Variants in YES1 observed in about 807,000 individuals in gnomAD.
YES1 encodes the protein YES proto-oncogene 1, Src family tyrosine kinase, also known as tyrosine-protein kinase Yes.
YES1 carries 39 observed loss-of-function variants against 70.4 expected under a neutral mutation model. The observed-to-expected ratio is 0.55, with a 90% CI of 0.43 to 0.72. The LOEUF (loss-of-function observed/expected upper bound fraction) is 0.72. Among genes scored for constraint, YES1 ranks in the 30% least tolerant of loss-of-function variants. The pLI is 0.00. For synonymous variants in YES1, 198 were observed against 218.6 expected, an observed-to-expected ratio of 0.91 and a Z score of 0.83; for missense variants, 495 against 644.8, an observed-to-expected ratio of 0.77 and a Z score of 2.52.
intron 1 of YES1, among the ~76,000 whole-genome samples, chr18:791,254 A>G (rs923525590): frequency 6.6e-6 from 1 of 151,246 alleles, no homozygotes; most frequent in Admixed American, 6.6e-5. Flanking sequence ...TGAAGAAGAA[A>G]AAAAAAAGAA....
intron 1 of YES1, among the ~76,000 whole-genome samples, chr18:759,328 G>A (rs746020174): frequency 1.3e-5 from 2 of 152,182 alleles, no homozygotes; most frequent in East Asian, 1.9e-4. Flanking sequence ...TTAGCTGGGC[G>A]AGGTGGCGGG....
chr18:771,018 A>C (rs1905130651), intron 1 of YES1, among the ~76,000 whole-genome samples: 1 of 152,112 alleles, frequency 6.6e-6, no homozygotes, highest in African/African-American at 2.4e-5. Flanking sequence ...AAAAAAAAAA[A>C]AATCTGAAAA....
intron 6 of YES1, among the ~76,000 whole-genome samples, chr18:743,855 A>C (rs558535): frequency 2.0e-5 from 3 of 151,654 alleles, no homozygotes; most frequent in Non-Finnish European, 1.5e-5. Flanking sequence ...GCAGTGAGCC[A>C]AAATTGCGCC....
At chr18:740,504 G>C (rs1331695771) in intron 8 of YES1, among the ~76,000 whole-genome samples, 1 of 152,202 alleles carries the variant, frequency 6.6e-6, no homozygotes, top group East Asian at 1.9e-4. Flanking sequence ...CCATAAACTG[G>C]ATCGGGGAAG....
chr18:724,430 A>AT lies in YES1; in HGVS notation c.1625dup (p.Asn542LysfsTer22). 1 of 1,613,364 alleles carries AT rather than the reference A, an allele frequency of 6.2e-7. No individual in the cohort carries two copies. On this transcript the variant is annotated frameshift_variant, in exon 12 of 12. Coordinates refer to ENST00000314574, the MANE Select transcript of YES1 (RefSeq NM_005433.4). LOFTEE classifies it high-confidence loss of function. ...ATAAAATAGGCTACTTGAATTATAA[A>AT]TTTTCTCCTGGCTGGTACTGTGGCT...
Position 775,519 on chromosome 18 carries a change from G to A in YES1, c.-8-18684C>T, listed in dbSNP as rs1905335023. ...GCTTCTCATAAATGGAATCACGGCCGGATGTAGTGGCTCACACCTGTAATA... is the reference window on the plus strand; with the variant it reads ...GCTTCTCATAAATGGAATCACGGCCAGATGTAGTGGCTCACACCTGTAATA... On this transcript the variant is annotated intron_variant, in intron 1 of 11. Transcript: ENST00000314574. Among the ~76,000 whole-genome samples, 4 of 152,224 alleles carry A rather than the reference G, an allele frequency of 2.6e-5. No homozygotes were observed. In the South Asian group the frequency reaches 6.2e-4, roughly 24 times the overall value.
chr18:795,912 A>AACACACACACACACACACACACACACAC (rs72204539), intron 1 of YES1, among the ~76,000 whole-genome samples: 13 of 144,696 alleles, frequency 9.0e-5, no homozygotes, highest in African/African-American at 3.1e-4. Flanking sequence ...CCAGAACTTA[A>AACACACACACACACACACACACACACAC]ACACACACAC....
chr18:752,259 C>T (rs1279615828), intron 2 of YES1, among the ~76,000 whole-genome samples: 2 of 152,134 alleles, frequency 1.3e-5, no homozygotes, highest in East Asian at 1.9e-4. Context: ...AGGCATGTGC[C>T]GCCACACCTA....
intron 11 of YES1, among the ~76,000 whole-genome samples, chr18:726,063 G>A: frequency 6.6e-6 from 1 of 152,060 alleles, no homozygotes. Flanking sequence ...TGACTGTTAG[G>A]ATTAAGCAAT....
intron 1 of YES1, among the ~76,000 whole-genome samples, chr18:760,231 G>C (rs916943412): frequency 6.6e-6 from 1 of 152,038 alleles, no homozygotes; most frequent in Non-Finnish European, 1.5e-5. Flanking sequence ...GCACTTTGCA[G>C]GGACAAGGCG....
intron 1 of YES1, among the ~76,000 whole-genome samples, chr18:805,453 T>C (rs1306371546): frequency 1.3e-5 from 2 of 152,234 alleles, no homozygotes; most frequent in South Asian, 2.1e-4. Flanking sequence ...CATGACTATA[T>C]TGTAACAACT....
chr18:784,650 C>A (rs1025186884), intron 1 of YES1, among the ~76,000 whole-genome samples: 2 of 152,200 alleles, frequency 1.3e-5, no homozygotes, highest in African/African-American at 4.8e-5. Context: ...GTGGGGGCTG[C>A]CCACATTCCT....
chr18:745,954 T>C lies in YES1; in HGVS notation c.568A>G (p.Thr190Ala), dbSNP rs771329396. Residue 190 changes from threonine to alanine, a missense_variant, in exon 5 of 12, where the codon ACT becomes GCT. By Grantham distance (58) the Thr-to-Ala change is moderately conservative. This residue lies in a region of YES1 where 385 missense variants were observed against 540.9 expected (regional missense o/e 0.71). Transcript: ENST00000314574. ...AATATAACAATATTCATACCTTTAG[T>C]TGTTTCACTCTCTCTTACTAAGAAA... is the stretch of plus-strand genomic sequence containing the variant. ...GIFLVRESET[T>A]KGAYSLSIRD... 1 of 1,611,524 alleles carries C rather than the reference T, an allele frequency of 6.2e-7. No homozygotes were observed. Among genetic ancestry groups the C allele is most frequent in the Non-Finnish European group, 8.5e-7 (1 of 1,178,526 alleles).
intron 1 of YES1, among the ~76,000 whole-genome samples, chr18:787,721 A>T (rs1906037934): frequency 6.6e-6 from 1 of 152,154 alleles, no homozygotes. Context: ...AAAAAAAAAA[A>T]ATATTCTGTT....
In YES1 at chr18:747,997, T is replaced by C; in HGVS notation, c.393A>G (p.Ala131=). 1 of 1,613,958 alleles carries C rather than the reference T, an allele frequency of 6.2e-7. No homozygotes were observed. The highest frequency in any genetic ancestry group is 8.5e-7 in the Non-Finnish European group (1 of 1,179,964). ...INNTEGDWWE[A]RSIATGKNGY... is the part of the protein sequence containing the mutation. ...CATTCTTTCCTGTAGCGATTGATCTTGCTTCCCACCAATCTCCTTCCCTGC... is the reference window on the plus strand; with the variant it reads ...CATTCTTTCCTGTAGCGATTGATCTCGCTTCCCACCAATCTCCTTCCCTGC... The change falls in exon 4 of 12, where the codon GCA becomes GCG. Residue 131 remains alanine (A), a synonymous_variant. Transcript: ENST00000314574.
intron 2 of YES1, among the ~76,000 whole-genome samples, chr18:755,450 C>T (rs186067724): frequency 2.6e-5 from 4 of 152,104 alleles, no homozygotes; most frequent in African/African-American, 9.6e-5. Flanking sequence ...CAGTGTTTTG[C>T]CATGTTGCCC....
At chr18:762,269 G>A (rs1480995327) in intron 1 of YES1, among the ~76,000 whole-genome samples, 3 of 152,180 alleles carry the variant, frequency 2.0e-5, no homozygotes, top group African/African-American at 4.8e-5. Context: ...GCGGTGAGCC[G>A]AGATTGCGTC....
chr18:767,922 AACTC>A (rs1359916579), intron 1 of YES1, among the ~76,000 whole-genome samples: 1 of 152,092 alleles, frequency 6.6e-6, no homozygotes, highest in Non-Finnish European at 1.5e-5. Flanking sequence ...GCTGGTCTCA[AACTC>A]CTGACCTCAA....
intron 1 of YES1, among the ~76,000 whole-genome samples, chr18:787,489 C>T (rs1340159895): frequency 3.3e-5 from 5 of 152,038 alleles, no homozygotes; most frequent in African/African-American, 7.2e-5. Context: ...CCAGGTGGAT[C>T]ACTGAAGGTC....
Sources: gnomAD v4.1 joint callset for allele counts (sites outside exome capture counted in the v4.1 genomes callset) on GRCh38, gnomAD v4.1.1 for gene constraint, gnomAD v4.1.1 regional missense constraint, MANE v1.5 for transcripts, NCBI Gene and HGNC (gene_info 2026-07-23, HGNC 2026-07-21) for gene names.